Variants in PRKD3 observed in about 807,000 individuals in gnomAD.
The protein encoded by PRKD3 is protein kinase D3.
Under a neutral mutation model 99.2 loss-of-function variants are expected in PRKD3, and 47 were observed. The ratio of observed to expected loss-of-function variants is 0.47; its 90% confidence interval spans 0.38 to 0.60. PRKD3 has a LOEUF of 0.60. Ranked by LOEUF, PRKD3 falls within the 20% of genes least tolerant of loss-of-function variation. PRKD3 has a pLI of 0.00. For missense variants in PRKD3, 1,019 were observed against 1,088.4 expected (o/e 0.94, Z 0.90); for synonymous variants, 392 against 355.4 (o/e 1.10, Z -1.16).
intron 6 of PRKD3, among the ~76,000 whole-genome samples, chr2:37,284,002 C>G (rs1439301920): frequency 6.6e-6 from 1 of 151,780 alleles, no homozygotes; most frequent in Non-Finnish European, 1.5e-5. Flanking sequence ...TATGTCCTTA[C>G]CCATGTTTTT....
chr2:37,300,943 C>T (rs1670897522), intron 2 of PRKD3, among the ~76,000 whole-genome samples: 1 of 152,078 alleles, frequency 6.6e-6, no homozygotes, highest in African/African-American at 2.4e-5. Flanking sequence ...ACTTGTTTTG[C>T]CACGTTTTTA....
chr2:37,285,861 A>G (rs1433689399), intron 6 of PRKD3, among the ~76,000 whole-genome samples: 5 of 152,280 alleles, frequency 3.3e-5, no homozygotes, highest in African/African-American at 7.2e-5. Flanking sequence ...TATTACTATT[A>G]GTAGTTAATA....
At chr2:37,290,301 T>C (rs1670342980) in intron 4 of PRKD3, among the ~76,000 whole-genome samples, 1 of 152,140 alleles carries the variant, frequency 6.6e-6, no homozygotes, top group Non-Finnish European at 1.5e-5. Context: ...CAATCTCGGC[T>C]CCCTGCAACC....
rs140960215 is a variant in PRKD3, at chr2:37,320,335, C to G, written c.-655-3156G>C. 2.2e-3 allele frequency among the ~76,000 whole-genome samples: 328 copies of G among 150,746 alleles called. 2 individuals are homozygous for G. Among genetic ancestry groups the G allele is most frequent in the African/African-American group, 7.6e-3 (310 of 41,058 alleles). ...TCTCACGAGGTAATGAGCTCCACAA[C>G]GTATCTGACTTAAGTAGTTTTTATA... On this transcript the variant is annotated intron_variant, in intron 1 of 18. Coordinates refer to ENST00000234179, the MANE Select transcript of PRKD3 (RefSeq NM_005813.6).
chr2:37,256,576 A>C, intron 17 of PRKD3, 86 bp downstream of exon 17: 1 of 1,390,818 alleles, frequency 7.2e-7, no homozygotes, highest in South Asian at 1.6e-5. Flanking sequence ...GTTGCAAGAG[A>C]CAGACTGATT....
chr2:37,284,394 G>A (rs1669992881), intron 6 of PRKD3, among the ~76,000 whole-genome samples: 1 of 152,058 alleles, frequency 6.6e-6, no homozygotes, highest in African/African-American at 2.4e-5. Context: ...GAATTAACAG[G>A]TTTATGTAAA....
At chr2:37,284,096 A>G (rs534789634) in intron 6 of PRKD3, among the ~76,000 whole-genome samples, 1 of 152,306 alleles carries the variant, frequency 6.6e-6, no homozygotes, top group Non-Finnish European at 1.5e-5. Flanking sequence ...GAAAATAAAG[A>G]CAAACAGATT....
intron 12 of PRKD3, among the ~76,000 whole-genome samples, chr2:37,272,084 AG>A (rs1277919465): frequency 6.6e-6 from 1 of 152,144 alleles, no homozygotes; most frequent in African/African-American, 2.4e-5. Flanking sequence ...CACTTCCTTT[AG>A]GAAGCTTCCC....
In PRKD3 at chr2:37,252,302, G is replaced by C. The variant is rs1667563892; in HGVS notation, c.*875C>G. 7.4e-6 allele frequency: 1 copy of C among 134,644 alleles called. No homozygotes were observed. Among genetic ancestry groups the C allele is most frequent in the Non-Finnish European group, 1.6e-5 (1 of 60,630 alleles). The allele number at this position is 134,644 out of a possible 1,614,324, so 8.3% of individuals were successfully genotyped here. On this transcript the variant is annotated 3_prime_UTR_variant, in exon 19 of 19. Transcript: ENST00000234179. ...CCTAGGTAAAGATAAATTGTGTAAA[G>C]CCGAGATCTGCACCTGCTGAATGCT...
chr2:37,295,607 T>C (rs997910896), intron 2 of PRKD3, among the ~76,000 whole-genome samples: 2 of 152,208 alleles, frequency 1.3e-5, no homozygotes, highest in African/African-American at 4.8e-5. Flanking sequence ...CTTAGAAAAG[T>C]TGCTTAACTT....
intron 14 of PRKD3, among the ~76,000 whole-genome samples, chr2:37,264,063 C>T (rs1215318589): frequency 1.3e-5 from 2 of 152,296 alleles, no homozygotes; most frequent in East Asian, 1.9e-4. Flanking sequence ...GCAAAAGAAA[C>T]ATTTTACATT....
chr2:37,320,316 G>A (rs185222113), intron 1 of PRKD3, among the ~76,000 whole-genome samples: 4 of 151,852 alleles, frequency 2.6e-5, no homozygotes, highest in Admixed American at 6.6e-5. Flanking sequence ...GTTGTCTCAC[G>A]AGGTAATGAG....
At chr2:37,275,618 T>C (rs1010726786) in intron 10 of PRKD3, 149 bp downstream of exon 10, 4 of 761,774 alleles carry the variant, frequency 5.3e-6, no homozygotes, top group East Asian at 3.8e-5. Flanking sequence ...GTATGGGAAA[T>C]AGTTGCTTCA....
intron 2 of PRKD3, among the ~76,000 whole-genome samples, chr2:37,310,326 C>T (rs1257023559): frequency 1.3e-5 from 2 of 152,132 alleles, no homozygotes; most frequent in South Asian, 2.1e-4. Context: ...TGTGTGATTA[C>T]TATTTGCTAA....
chr2:37,282,383 T>G (rs1482651506), intron 7 of PRKD3, 159 bp downstream of exon 7: 1 of 586,624 alleles, frequency 1.7e-6, no homozygotes, highest in African/African-American at 1.9e-5. Flanking sequence ...AATAAATGTA[T>G]ACTGTCAGTG....
At chr2:37,293,420 G>C in intron 2 of PRKD3, 149 bp from the exon 3 acceptor site, 2 of 672,900 alleles carry the variant, frequency 3.0e-6, no homozygotes, top group Non-Finnish European at 4.3e-6. Flanking sequence ...GGTGATCCAC[G>C]TACTCAAGCA....
intron 2 of PRKD3, among the ~76,000 whole-genome samples, chr2:37,310,484 A>G (rs1671377958): frequency 6.6e-6 from 1 of 152,212 alleles, no homozygotes; most frequent in South Asian, 2.1e-4. Context: ...TTTAACCCCA[A>G]AACTAATGGT....
At chr2:37,272,553 T>C in intron 11 of PRKD3, 121 bp from the exon 12 acceptor site, 1 of 1,267,288 alleles carries the variant, frequency 7.9e-7, no homozygotes, top group Non-Finnish European at 1.0e-6. Flanking sequence ...TACAATTATG[T>C]ACATTAACAA....
rs545995444 is a variant in PRKD3 at position 37,305,791 on chromosome 2, T to C, written c.288+10446A>G. ...TAAGATCACTACAAGACCAGTGATC[T>C]TTCCATATCTAAACAGATTTTGAAA... On this transcript the variant is annotated intron_variant, in intron 2 of 18. Transcript: ENST00000234179. Among the ~76,000 whole-genome samples the C allele has an allele frequency of 3.9e-5, 6 of 152,362 alleles. 1 individual carries two copies. In the East Asian group the frequency reaches 1.2e-3, roughly 29 times the overall value.
Sources: allele counts gnomAD v4.1 joint callset (sites outside exome capture counted in the v4.1 genomes callset), GRCh38; gene constraint gnomAD v4.1.1; transcripts MANE v1.5; gene names NCBI Gene and HGNC (gene_info 2026-07-23, HGNC 2026-07-21).